ZRANB2: variants seen among roughly 807,000 people sequenced by gnomAD.
ZRANB2 encodes zinc finger Ran-binding domain-containing protein 2.
A neutral mutation model predicts 53.4 loss-of-function variants in ZRANB2; 19 were observed. The ratio of observed to expected loss-of-function variants is 0.36; its 90% CI spans 0.25 to 0.52. ZRANB2 has a LOEUF of 0.52. Among genes scored for constraint, ZRANB2 ranks in the 20% least tolerant of loss-of-function variants. ZRANB2 has a pLI of 0.93. For synonymous variants in ZRANB2, 145 were observed against 134.8 expected (o/e 1.08, Z -0.52); for missense variants, 309 against 401.1 (o/e 0.77, Z 1.96).
chr1:71,072,152 T>G lies in ZRANB2; in HGVS notation c.482A>C (p.Asp161Ala), dbSNP rs1312242218. Residue 161 changes from aspartate to alanine, a missense_variant, in exon 6 of 10, where the codon GAT (aspartate) becomes GCT (alanine). By Grantham distance (126) the Asp-to-Ala change is moderately radical. Transcript: ENST00000370920. ...TAACTTATATTTAGAAAGATCTTCA[T>G]CCTCATCCTCTTCTTCTCCCTCTGA... ...KESEGEEEDE[D>A]EDLSKYKLDE... 6.2e-7 allele frequency: 1 copy of G among 1,611,632 alleles called. No homozygotes were observed. Among genetic ancestry groups the G allele is most frequent in the Non-Finnish European group, 8.5e-7 (1 of 1,179,080 alleles).
At chr1:71,067,020 A>C in intron 8 of ZRANB2, 86 bp from the exon 9 acceptor site, 5 of 1,328,042 alleles carry the variant, frequency 3.8e-6, no homozygotes, top group South Asian at 1.7e-5. Context: ...TCCAAAAATA[A>C]ACAGGATTTA....
Position 71,070,862 on chromosome 1 carries a change from G to A in ZRANB2, c.648C>T (p.Arg216=). ...SRSSHSRSSS[R]SSSPSSSRSR... is the part of the protein sequence containing the mutation. ...ACCTTGAACTTGAGGGGGAGGATGA[G>A]CGTGATGAAGATCGTGAATGTGAAG... is the stretch of plus-strand genomic sequence containing the variant. The change falls in exon 7 of 10, where the codon CGC becomes CGT. Residue 216 remains arginine, a synonymous_variant. Transcript: ENST00000370920. 6.2e-7 allele frequency: 1 copy of A among 1,607,716 alleles called. No individual in the cohort carries two copies. The highest frequency in any genetic ancestry group is 1.1e-5 in the South Asian group (1 of 90,380).
chr1:71,068,821 CTCT>C (rs1334808432), intron 8 of ZRANB2, among the ~76,000 whole-genome samples: 3 of 150,346 alleles, frequency 2.0e-5, no homozygotes, highest in Non-Finnish European at 4.4e-5. Flanking sequence ...TGAGACACTC[CTCT>C]GTCACCCAGG....
chr1:71,075,018 T>TTGC (rs1191354113), intron 4 of ZRANB2, among the ~76,000 whole-genome samples: 1 of 152,194 alleles, frequency 6.6e-6, no homozygotes, highest in East Asian at 1.9e-4. Context: ...CAAATAAAAT[T>TTGC]TGCTTACTTC....
chr1:71,077,836 A>C (rs1406435050), intron 3 of ZRANB2, among the ~76,000 whole-genome samples: 1 of 152,224 alleles, frequency 6.6e-6, no homozygotes, highest in African/African-American at 2.4e-5. Flanking sequence ...AGCCTGGGTG[A>C]CTGAGTGGGA....
At chr1:71,077,882 AAG>A (rs1553184664) in intron 3 of ZRANB2, among the ~76,000 whole-genome samples, 27 of 152,238 alleles carry the variant, frequency 1.8e-4, no homozygotes, top group Non-Finnish European at 2.9e-5. Flanking sequence ...AACAAACAAA[AAG>A]AGAAATTTAT....
At chr1:71,080,866 G>A in intron 1 of ZRANB2, 74 bp downstream of exon 1, 3 of 1,563,046 alleles carry the variant, frequency 1.9e-6, no homozygotes, top group Non-Finnish European at 2.6e-6. Context: ...CATAAAAAAG[G>A]AAAATGCCGG....
intron 1 of ZRANB2, among the ~76,000 whole-genome samples, chr1:71,080,219 ATC>A (rs1466204262): frequency 6.7e-6 from 1 of 150,022 alleles, no homozygotes; most frequent in Non-Finnish European, 1.5e-5. Flanking sequence ...TTCAAAAAAA[ATC>A]TGATTAACTA....
chr1:71,069,485 A>G (rs937633114), intron 7 of ZRANB2, 123 bp from the exon 8 acceptor site: 1 of 555,842 alleles, frequency 1.8e-6, no homozygotes, highest in African/African-American at 2.0e-5. Context: ...TATACAAGAT[A>G]TATACTTTCA....
At chr1:71,080,380 T>C (rs1661812211) in intron 1 of ZRANB2, among the ~76,000 whole-genome samples, 1 of 152,020 alleles carries the variant, frequency 6.6e-6, no homozygotes, top group Non-Finnish European at 1.5e-5. Context: ...AAAGCCCAAT[T>C]CTTGTGGAGA....
intron 4 of ZRANB2, among the ~76,000 whole-genome samples, chr1:71,072,944 T>C (rs1399939109): frequency 6.6e-6 from 1 of 152,064 alleles, no homozygotes; most frequent in Non-Finnish European, 1.5e-5. Flanking sequence ...CAACTGCAAA[T>C]AGTCTGAAAT....
chr1:71,080,828 C>G, intron 1 of ZRANB2, 112 bp downstream of exon 1: 3 of 1,298,946 alleles, frequency 2.3e-6, no homozygotes, highest in Non-Finnish European at 3.3e-6. Context: ...CGGTTCGCCG[C>G]CTCAACCCGT....
Position 71,064,510 on chromosome 1 carries a change from T to C in ZRANB2, c.*564A>G, listed in dbSNP as rs537321616. 1 of 152,450 alleles carries C rather than the reference T, an allele frequency of 6.6e-6. No individual in the cohort carries two copies. The highest frequency in any genetic ancestry group is 1.9e-4 in the East Asian group (1 of 5,198). 9.4% of individuals were successfully genotyped at this position (152,450 alleles called of 1,614,324 possible). A position where few individuals can be genotyped will look rare whatever the true frequency, so the allele number is the denominator to read the frequency against. ...TTGCATTAAATGTGGAGCAAAAAAGTAAAGCTGGATAAAAGAGACACAATG... is the reference window on the plus strand; with the variant it reads ...TTGCATTAAATGTGGAGCAAAAAAGCAAAGCTGGATAAAAGAGACACAATG... On this transcript the variant is annotated 3_prime_UTR_variant, in exon 10 of 10. Transcript: ENST00000370920.
At chr1:71,077,277 T>G (rs180830113) in intron 3 of ZRANB2, among the ~76,000 whole-genome samples, 1 of 152,296 alleles carries the variant, frequency 6.6e-6, no homozygotes, top group Admixed American at 6.5e-5. Context: ...AGATTAGGGA[T>G]GCTGAACCCA....
chr1:71,066,078 C>A, intron 9 of ZRANB2: 1 of 186,878 alleles, frequency 5.4e-6, no homozygotes. Context: ...GAAAAATTTG[C>A]AAAGACTACA....
chr1:71,067,363 G>A lies in ZRANB2; in HGVS notation c.771-429C>T, dbSNP rs1661470158. On this transcript the variant is annotated intron_variant, in intron 8 of 9. Transcript: ENST00000370920. ...AGGAAAATAAACATAATTCCATGTG[G>A]AATTATTCAACTCATTAAACTGTTA... 2.9e-5 allele frequency: 6 copies of A among 203,396 alleles called. No individual in the cohort carries two copies. The South Asian group carries it at 4.6e-4, about 16-fold the overall frequency. 12.6% of individuals were successfully genotyped at this position (203,396 alleles called of 1,614,324 possible).
chr1:71,080,905 A>T (rs756294971), intron 1 of ZRANB2, 35 bp downstream of exon 1: 1 of 1,611,954 alleles, frequency 6.2e-7, no homozygotes, highest in African/African-American at 1.3e-5. Flanking sequence ...CCACTAACAA[A>T]CTCCGTCCCA....
rs966270385 is a variant in ZRANB2 at position 71,067,051 on chromosome 1, T to C, written c.771-117A>G. ...ATTTATAACAACTATGAAAATTTTA[T>C]AAGGAAGAATACTTACTGCTTATTC... On this transcript the variant is annotated intron_variant, in intron 8 of 9. Transcript: ENST00000370920. 4 of 977,800 alleles carry C rather than the reference T, an allele frequency of 4.1e-6. No homozygotes were observed. The African/African-American group carries it at 6.7e-5, about 16-fold the overall frequency. 60.6% of individuals were successfully genotyped at this position (977,800 alleles called of 1,614,324 possible).
intron 1 of ZRANB2, among the ~76,000 whole-genome samples, chr1:71,079,997 TA>T (rs1000016859): frequency 1.0e-4 from 15 of 149,980 alleles, no homozygotes; most frequent in East Asian, 1.9e-4. Context: ...ATGTTTTCAT[TA>T]AAAAAAAAAT....
Sources: gnomAD v4.1 joint callset for allele counts (sites outside exome capture counted in the v4.1 genomes callset) on GRCh38, gnomAD v4.1.1 for gene constraint, MANE v1.5 for transcripts, NCBI Gene and HGNC (gene_info 2026-07-23, HGNC 2026-07-21) for gene names.